Variants in BCAN observed in about 807,000 individuals in gnomAD.
BCAN encodes the protein brevican.
Under a neutral mutation model 92.4 loss-of-function variants are expected in BCAN, and 51 were observed. The ratio of observed to expected loss-of-function variants is 0.55; its 90% CI spans 0.44 to 0.70. The LOEUF (loss-of-function observed/expected upper bound fraction) is 0.70, where lower values mean the gene tolerates loss of function less well. Among genes scored for constraint, BCAN ranks in the 30% least tolerant of loss-of-function variants. BCAN has a pLI of 0.00. For missense variants in BCAN, 1,140 were observed against 1,212.1 expected, an observed-to-expected ratio of 0.94 and a Z score of 0.88; for synonymous variants, 501 against 505.2, an observed-to-expected ratio of 0.99 and a Z score of 0.11.
chr1:156,648,052 T>C lies in BCAN; in HGVS notation c.711T>C (p.Tyr237=), dbSNP rs1344662569. The change falls in exon 5 of 14, where the codon TAT becomes TAC. Residue 237 remains tyrosine (Y), a synonymous_variant. Transcript: ENST00000329117. ...ATGGCTTCCCCGGGGTCCGGAACTA[T>C]GGTGTGGTGGACCCGGATGACCTCT... ...DMDGFPGVRN[Y]GVVDPDDLYD... is the part of the protein sequence containing the mutation. 2 of 1,614,060 alleles carry C rather than the reference T, an allele frequency of 1.2e-6. No homozygotes were observed. The highest frequency in any genetic ancestry group is 4.5e-5 in the East Asian group (2 of 44,870).
intron 6 of BCAN, among the ~76,000 whole-genome samples, chr1:156,649,188 C>A (rs1010030783): frequency 9.2e-5 from 14 of 152,212 alleles, no homozygotes; most frequent in African/African-American, 3.1e-4. Flanking sequence ...CAAAGACGAC[C>A]AACATTCTGT....
chr1:156,658,428 C>A lies in BCAN; in HGVS notation c.2438-115C>A, dbSNP rs927227350. The A allele has an allele frequency of 4.1e-6, 6 of 1,466,900 alleles. No individual in the cohort carries two copies. The Admixed American group carries it at 1.3e-4, about 31-fold the overall frequency. 90.9% of individuals were successfully genotyped at this position (1,466,900 alleles called of 1,614,324 possible). A position where few individuals can be genotyped will look rare whatever the true frequency, so the allele number is the denominator to read the frequency against. On this transcript the variant is annotated intron_variant, in intron 12 of 13. Transcript: ENST00000329117. The surrounding 1 kb of genome is among the most constrained non-coding windows in gnomAD (Gnocchi z 4.4). ...AGCTAACAAGTTACGTGGGTCCACT[C>A]GGAATCCCTGATCTTTTTTTGTCAT... is the stretch of plus-strand genomic sequence containing the variant.
chr1:156,652,752 C>T lies in BCAN; in HGVS notation c.1802C>T (p.Pro601Leu). The T allele has an allele frequency of 6.2e-7, 1 of 1,608,998 alleles. No homozygotes were observed. The highest frequency in any genetic ancestry group is 1.1e-5 in the South Asian group (1 of 90,632). ...APSLLPATRA[P>L]EGTRELEAPS... is the part of the protein sequence containing the mutation. ...TCCCTGCTTCCAGCCACACGGGCCC[C>T]TGAGGGTACCAGGGAGCTGGAGGCC... is the stretch of plus-strand genomic sequence containing the variant. The change falls in exon 8 of 14, where the codon CCT becomes CTT. Residue 601 changes from proline to leucine, a missense_variant. Pro to Leu is a moderately conservative substitution (Grantham distance 98, BLOSUM62 -3). This residue lies in a region of BCAN where 825 missense variants were observed against 871.8 expected (regional missense o/e 0.95). Transcript: ENST00000329117.
intron 1 of BCAN, chr1:156,643,498 C>A: frequency 6.6e-6 from 1 of 152,362 alleles, no homozygotes. Flanking sequence ...CCTGCTGACC[C>A]TGCTGAGTGC....
rs1156404828 is a variant in BCAN, at chr1:156,658,201, G to T, written c.2367G>T (p.Trp789Cys). The T allele has an allele frequency of 6.2e-7, 1 of 1,613,978 alleles. No individual in the cohort carries two copies. Among genetic ancestry groups the T allele is most frequent in the African/African-American group, 1.3e-5 (1 of 74,898 alleles). Residue 789 changes from tryptophan (W) to cysteine (C), a missense_variant, in exon 12 of 14, where the codon TGG (tryptophan) becomes TGT (cysteine). Transcript: ENST00000329117. This position sits in a 1 kb window ranked among gnomAD's most constrained non-coding sequence, Gnocchi z 4.4. The part of the protein sequence containing the change: ...LSGENCVVMV[W>C]HDQGQWSDVP... ...GAGAGAACTGCGTGGTCATGGTGTG[G>T]CATGATCAGGGACAATGGAGTGACG...
chr1:156,656,977 G>A lies in BCAN; in HGVS notation c.2090G>A (p.Gly697Asp). 1.2e-6 allele frequency: 2 copies of A among 1,614,144 alleles called. No homozygotes were observed. The highest frequency in any genetic ancestry group is 1.7e-6 in the Non-Finnish European group (2 of 1,179,970). ...FCNPGWDAFQ[G>D]ACYKHFSTRR... The stretch of plus-strand genomic sequence containing the variant: ...AACCCCGGCTGGGACGCCTTCCAGG[G>A]CGCCTGCTACAAGCACTTTTCCACA... Residue 697 changes from glycine to aspartate, a missense_variant, in exon 10 of 14, where the codon GGC becomes GAC. Physicochemically the swap from Gly to Asp is moderately conservative, Grantham distance 94. This residue lies in a region of BCAN where 825 missense variants were observed against 871.8 expected (regional missense o/e 0.95). Transcript: ENST00000329117.
At position 156,647,441 on chromosome 1, in the gene BCAN, A is replaced by G; in HGVS notation, c.467-67A>G. The G allele has an allele frequency of 6.9e-7, 1 of 1,439,870 alleles. No homozygotes were observed. The highest frequency in any genetic ancestry group is 1.4e-5 in the South Asian group (1 of 73,008). The allele number at this position is 1,439,870 out of a possible 1,614,324, so 89.2% of individuals were successfully genotyped here. The stretch of plus-strand genomic sequence containing the variant: ...TTACCCTTGTGTACAGAGGAGTGAC[A>G]AGGAGGGTGAGGGGAGGCCAGCGTG... On this transcript the variant is annotated intron_variant, in intron 3 of 13. Coordinates refer to ENST00000329117, the MANE Select transcript of BCAN (RefSeq NM_021948.5). The surrounding 1 kb of genome is among the most constrained non-coding windows in gnomAD (Gnocchi z 4.8).
rs772083211 is a variant in BCAN, at chr1:156,656,920, C to T, written c.2051-18C>T. On this transcript the variant is annotated intron_variant, in intron 9 of 13. Transcript: ENST00000329117. ...CTGGGTTTTGGGGCCCTAAGATGCC[C>T]GCCCTTATGTGCCGCAGGCCTCCGC... 3.7e-6 allele frequency: 6 copies of T among 1,609,244 alleles called. No individual in the cohort carries two copies. In the South Asian group the frequency reaches 6.6e-5, roughly 18 times the overall value.
chr1:156,656,890 G>A (rs1377275535), intron 9 of BCAN, 48 bp from the exon 10 acceptor site: 3 of 1,596,040 alleles, frequency 1.9e-6, no homozygotes, highest in East Asian at 4.5e-5. Flanking sequence ...AGGGGACCTG[G>A]CCCTCTGGGT....
At chr1:156,646,671 C>A (rs573798203) in intron 2 of BCAN, 130 bp from the exon 3 acceptor site, 3 of 1,214,114 alleles carry the variant, frequency 2.5e-6, no homozygotes. Flanking sequence ...TGGCCCCTGG[C>A]CCCTGGTCCT....
intron 1 of BCAN, among the ~76,000 whole-genome samples, chr1:156,645,474 G>A (rs115764519): frequency 6.6e-6 from 1 of 152,154 alleles, no homozygotes; most frequent in Non-Finnish European, 1.5e-5. Context: ...GTGCTTACTT[G>A]CGTTCGGTCT....
At chr1:156,657,532 A>G in intron 10 of BCAN, 143 bp from the exon 11 acceptor site, 1 of 620,882 alleles carries the variant, frequency 1.6e-6, no homozygotes. Context: ...CCTTGAGCAG[A>G]GGCTGGGGTA....
intron 1 of BCAN, chr1:156,643,364 A>G (rs1286908174): frequency 6.6e-6 from 1 of 152,218 alleles, no homozygotes; most frequent in African/African-American, 2.4e-5. Flanking sequence ...GATTGCAATT[A>G]CTTCTACAGG....
intron 8 of BCAN, 50 bp downstream of exon 8, chr1:156,652,942 C>T (rs1224287653): frequency 1.9e-6 from 3 of 1,600,344 alleles, no homozygotes; most frequent in African/African-American, 2.7e-5. Flanking sequence ...TCCTTTTCTT[C>T]CCCCTGCAGC....
At chr1:156,646,718 T>A in intron 2 of BCAN, 83 bp from the exon 3 acceptor site, 2 of 1,495,558 alleles carry the variant, frequency 1.3e-6, no homozygotes, top group Non-Finnish European at 1.8e-6. Context: ...GAAGGAGGGA[T>A]CCTGGAGCGG....
At chr1:156,648,403 T>C (rs1412468433) in intron 5 of BCAN, among the ~76,000 whole-genome samples, 165 bp from the exon 6 acceptor site, 4 of 152,148 alleles carry the variant, frequency 2.6e-5, no homozygotes, top group African/African-American at 4.8e-5. Context: ...TGAGCTCTAA[T>C]ATCCATCTTG....
At chr1:156,645,516 A>G (rs1571436780) in intron 1 of BCAN, among the ~76,000 whole-genome samples, 2 of 152,220 alleles carry the variant, frequency 1.3e-5, no homozygotes, top group Non-Finnish European at 2.9e-5. Flanking sequence ...CCAGGTGAGT[A>G]TGGTGTCCCT....
chr1:156,654,422 C>T (rs74566616), intron 8 of BCAN, among the ~76,000 whole-genome samples: 4,199 of 152,258 alleles, frequency 0.028, 68 homozygotes, highest in Middle Eastern at 0.044. Context: ...TTGGAGGTAT[C>T]TACAGTGTCT....
intron 10 of BCAN, chr1:156,657,299 T>G: frequency 2.5e-6 from 2 of 804,364 alleles, no homozygotes; most frequent in South Asian, 2.0e-5. Context: ...GAACGGAGAG[T>G]GGAGGTTCGC....
Sources: gnomAD v4.1 joint callset for allele counts (sites outside exome capture counted in the v4.1 genomes callset) on GRCh38, gnomAD v4.1.1 for gene constraint, gnomAD v4.1.1 regional missense constraint, Gnocchi (gnomAD v3.1) non-coding constraint, MANE v1.5 for transcripts, NCBI Gene and HGNC (gene_info 2026-07-23, HGNC 2026-07-21) for gene names.